Variants in RALGAPA1 observed in about 807,000 individuals in gnomAD.
RALGAPA1 encodes the protein Ral GTPase activating protein catalytic subunit alpha 1.
Under a neutral mutation model 269.6 loss-of-function variants are expected in RALGAPA1, and 52 were observed. The ratio of observed to expected loss-of-function variants is 0.19; its 90% CI spans 0.15 to 0.24. The LOEUF is 0.24. Ranked by LOEUF, RALGAPA1 falls within the 10% of genes least tolerant of loss-of-function variation. The pLI is 1.00. For synonymous variants in RALGAPA1, 817 were observed against 1,008.3 expected, an observed-to-expected ratio of 0.81 and a Z score of 3.60; for missense variants, 1,917 against 3,013.9, an observed-to-expected ratio of 0.64 and a Z score of 8.52.
At chr14:35,745,404 T>TACACAGACACACAGACAGAC (rs2071959229) in intron 10 of RALGAPA1, among the ~76,000 whole-genome samples, 1 of 137,294 alleles carries the variant, frequency 7.3e-6, no homozygotes, top group Non-Finnish European at 1.5e-5. Context: ...GAAATACACA[T>TACACAGACACACAGACAGAC]ACACAGACAC....
chr14:35,632,669 CA>C (rs1034320213), intron 33 of RALGAPA1, among the ~76,000 whole-genome samples: 3 of 152,150 alleles, frequency 2.0e-5, no homozygotes, highest in African/African-American at 7.2e-5. Context: ...TGCCATTTGA[CA>C]AAAAGCCAAC....
At chr14:35,638,102 A>T (rs918354144) in intron 31 of RALGAPA1, among the ~76,000 whole-genome samples, 3 of 152,254 alleles carry the variant, frequency 2.0e-5, no homozygotes, top group African/African-American at 7.2e-5. Context: ...AAGAATGTTA[A>T]TGAGCAGTAA....
chr14:35,799,196 C>A (rs1018669190), intron 1 of RALGAPA1, among the ~76,000 whole-genome samples: 1 of 152,082 alleles, frequency 6.6e-6, no homozygotes, highest in African/African-American at 2.4e-5. Context: ...GAAGTAAATT[C>A]TTACAAGGTT....
At chr14:35,697,714 C>T (rs1419469883) in intron 17 of RALGAPA1, among the ~76,000 whole-genome samples, 7 of 151,434 alleles carry the variant, frequency 4.6e-5, no homozygotes, top group Non-Finnish European at 1.0e-4. Context: ...CACTATGAAT[C>T]TTTAATCTTT....
rs147396063 is a variant in RALGAPA1 at position 35,604,274 on chromosome 14, G to C, written c.7053+1312C>G. ...TATACACATTGTTTTCAAGGGAACA[G>C]GGTACCTATACTGGGTTATATTATA... On this transcript the variant is annotated intron_variant, in intron 36 of 41. Transcript: ENST00000680220. Among the ~76,000 whole-genome samples the C allele has an allele frequency of 3.3e-3, 504 of 151,956 alleles. 4 individuals carry two copies. Among genetic ancestry groups the C allele is most frequent in the African/African-American group, 0.011 (477 of 41,504 alleles).
At chr14:35,733,957 A>G (rs1160043493) in intron 12 of RALGAPA1, among the ~76,000 whole-genome samples, 1 of 152,068 alleles carries the variant, frequency 6.6e-6, no homozygotes, top group East Asian at 1.9e-4. Context: ...AAACAAATAA[A>G]TAAATAAATA....
intron 41 of RALGAPA1, among the ~76,000 whole-genome samples, chr14:35,544,934 C>T (rs577835586): frequency 6.6e-6 from 1 of 152,192 alleles, no homozygotes; most frequent in African/African-American, 2.4e-5. Flanking sequence ...GTAATCCCAG[C>T]TACTTGAGAG....
intron 31 of RALGAPA1, among the ~76,000 whole-genome samples, chr14:35,651,122 GA>G (rs1476031015): frequency 6.6e-6 from 1 of 151,834 alleles, no homozygotes; most frequent in Admixed American, 6.6e-5. Flanking sequence ...ATAGTCAAAA[GA>G]AAAAAACTCA....
At chr14:35,748,973 T>A in intron 9 of RALGAPA1, 149 bp from the exon 10 acceptor site, 1 of 1,301,714 alleles carries the variant, frequency 7.7e-7, no homozygotes, top group Non-Finnish European at 1.0e-6. Flanking sequence ...TAGAGTTTCA[T>A]TTAAAAGCCA....
intron 39 of RALGAPA1, among the ~76,000 whole-genome samples, chr14:35,557,698 T>C (rs1434717154): frequency 6.6e-6 from 1 of 152,168 alleles, no homozygotes; most frequent in Non-Finnish European, 1.5e-5. Flanking sequence ...TTACTAAAAT[T>C]ACTTAAGAGA....
chr14:35,608,814 A>C (rs1211291195), intron 35 of RALGAPA1, among the ~76,000 whole-genome samples: 1 of 152,240 alleles, frequency 6.6e-6, no homozygotes, highest in Non-Finnish European at 1.5e-5. Flanking sequence ...AGGAAACAGA[A>C]GACTTGAACA....
At chr14:35,701,763 C>G (rs999119641) in intron 16 of RALGAPA1, among the ~76,000 whole-genome samples, 2 of 152,074 alleles carry the variant, frequency 1.3e-5, no homozygotes, top group Non-Finnish European at 1.5e-5. Flanking sequence ...CCACCTTAGG[C>G]TCCAGAGTAG....
At chr14:35,697,408 C>T (rs1156820215) in intron 17 of RALGAPA1, among the ~76,000 whole-genome samples, 5 of 151,650 alleles carry the variant, frequency 3.3e-5, no homozygotes, top group East Asian at 1.9e-4. Flanking sequence ...GTGCAGTGGG[C>T]GATCTCGGCT....
At chr14:35,747,499 T>C (rs1342521339) in intron 10 of RALGAPA1, among the ~76,000 whole-genome samples, 2 of 152,082 alleles carry the variant, frequency 1.3e-5, no homozygotes, top group Non-Finnish European at 2.9e-5. Context: ...TGAAAATGAG[T>C]TTGTTTCTTT....
At chr14:35,757,120 T>A (rs1015695860) in intron 6 of RALGAPA1, among the ~76,000 whole-genome samples, 1 of 135,254 alleles carries the variant, frequency 7.4e-6, no homozygotes, top group African/African-American at 3.2e-5. Flanking sequence ...ATTATTATTA[T>A]TTTTTTTTTT....
intron 37 of RALGAPA1, among the ~76,000 whole-genome samples, chr14:35,573,594 T>C (rs1419080817): frequency 6.6e-6 from 1 of 152,194 alleles, no homozygotes; most frequent in Non-Finnish European, 1.5e-5. Flanking sequence ...CAGAAATATG[T>C]CATTTATTTT....
intron 11 of RALGAPA1, 125 bp from the exon 12 acceptor site, chr14:35,738,775 G>C: frequency 1.5e-6 from 1 of 680,548 alleles, no homozygotes; most frequent in South Asian, 2.4e-5. Flanking sequence ...TCTCAAAATA[G>C]ATGATGTCTT....
chr14:35,612,609 G>T (rs949038713), intron 35 of RALGAPA1, among the ~76,000 whole-genome samples: 2 of 150,782 alleles, frequency 1.3e-5, no homozygotes, highest in East Asian at 2.0e-4. Flanking sequence ...CGCAATCTCG[G>T]CTCACTGCAA....
chr14:35,773,200 G>A (rs1046113472), intron 3 of RALGAPA1, among the ~76,000 whole-genome samples: 1 of 152,028 alleles, frequency 6.6e-6, no homozygotes, highest in Non-Finnish European at 1.5e-5. Flanking sequence ...GAGATTACAT[G>A]TGCCCTAAAC....
Sources: allele counts gnomAD v4.1 joint callset (sites outside exome capture counted in the v4.1 genomes callset), GRCh38; gene constraint gnomAD v4.1.1; transcripts MANE v1.5; gene names NCBI Gene and HGNC (gene_info 2026-07-23, HGNC 2026-07-21).